The following CCDC25 variants were observed in gnomAD, a reference collection of about 807,000 sequenced individuals.
The protein encoded by CCDC25 is coiled-coil domain-containing protein 25.
A neutral mutation model predicts 35.3 loss-of-function variants in CCDC25; 16 were observed. That is an observed-to-expected ratio of 0.45 (90% CI 0.31 to 0.69). The LOEUF (loss-of-function observed/expected upper bound fraction) is 0.69. Ranked by LOEUF, CCDC25 falls within the 30% of genes least tolerant of loss-of-function variation. The probability of loss-of-function intolerance (pLI) is 0.06; values close to 1 mark genes in which losing one functional copy is unlikely to be tolerated. For missense variants in CCDC25, 179 were observed against 250.7 expected (o/e 0.71, Z 1.93); for synonymous variants, 79 against 80.3 (o/e 0.98, Z 0.09).
Position 27,748,205 on chromosome 8 carries a change from G to A in CCDC25, c.423C>T (p.Phe141=), listed in dbSNP as rs150006124. The change falls in exon 7 of 9, where the codon TTC becomes TTT. Residue 141 remains phenylalanine (F), a synonymous_variant. Transcript: ENST00000356537. The stretch of plus-strand genomic sequence containing the variant: ...ATTCTTTCTCTGCTGCTAGGTCTGG[G>A]AACCGCTCGACTTTGGTCTTTTCTA... The part of the protein sequence containing the change: ...NRLEKTKVER[F]PDLAAEKECR... 4.6e-5 allele frequency: 74 copies of A among 1,613,790 alleles called. No homozygotes were observed. In the African/African-American group the frequency reaches 8.7e-4, roughly 19 times the overall value.
Position 27,756,749 on chromosome 8 carries a change from A to C in CCDC25, c.138T>G (p.Ser46=). ...EDIWFHVDKL[S]SAHVYLRLHK... ...GTAATCGAAGGTATACATGAGCCGA[A>C]GAGAGTTTGTCCACATGAAACCTAC... Residue 46 remains serine (S), a synonymous_variant, in exon 4 of 9, where the codon TCT becomes TCG. Coordinates refer to ENST00000356537, the MANE Select transcript of CCDC25 (RefSeq NM_018246.3). 1.2e-6 allele frequency: 2 copies of C among 1,613,260 alleles called. No homozygotes were observed. Among genetic ancestry groups the C allele is most frequent in the Non-Finnish European group, 1.7e-6 (2 of 1,179,208 alleles).
At chr8:27,761,352 A>G (rs1481528186) in intron 3 of CCDC25, among the ~76,000 whole-genome samples, 1 of 152,252 alleles carries the variant, frequency 6.6e-6, no homozygotes, top group African/African-American at 2.4e-5. Flanking sequence ...AGTAGCAGAC[A>G]GAGCAGACCC....
intron 1 of CCDC25, among the ~76,000 whole-genome samples, chr8:27,765,628 T>TA (rs35721089): frequency 0.025 from 3,720 of 149,494 alleles, 141 homozygotes; most frequent in African/African-American, 0.079. Flanking sequence ...CTTTAAGAGT[T>TA]AAAAAAAAAA....
At chr8:27,746,531 C>T (rs1046076222) in intron 7 of CCDC25, among the ~76,000 whole-genome samples, 5 of 152,112 alleles carry the variant, frequency 3.3e-5, no homozygotes, top group African/African-American at 9.7e-5. Context: ...GTAAAGGGCA[C>T]TAAAAGGCAT....
At position 27,737,805 on chromosome 8, in the gene CCDC25, T is replaced by C. The variant is rs112093151; in HGVS notation, c.598-1560A>G. On this transcript the variant is annotated intron_variant, in intron 8 of 8. Coordinates refer to ENST00000356537, the MANE Select transcript of CCDC25 (RefSeq NM_018246.3). The surrounding 1 kb of genome is among the most constrained non-coding windows in gnomAD (Gnocchi z 4.6). ...ATGTTTACAGTGGCACAATTCACAATTGCAAAATTGTGGAACAAACCCAAA... is the reference window on the plus strand; with the variant it reads ...ATGTTTACAGTGGCACAATTCACAACTGCAAAATTGTGGAACAAACCCAAA... Among the ~76,000 whole-genome samples, 1,410 of 151,526 alleles carry C rather than the reference T, an allele frequency of 9.3e-3. 18 individuals carry two copies. The highest frequency in any genetic ancestry group is 0.032 in the African/African-American group (1,302 of 41,264).
Position 27,756,739 on chromosome 8 carries a change from C to G in CCDC25, c.148G>C (p.Val50Leu). The G allele has an allele frequency of 6.2e-7, 1 of 1,612,808 alleles. No individual in the cohort carries two copies. The highest frequency in any genetic ancestry group is 2.2e-5 in the East Asian group (1 of 44,860). The change falls in exon 4 of 9, where the codon GTA becomes CTA. Residue 50 changes from valine (V) to leucine (L), a missense_variant. Physicochemically the swap from Val to Leu is conservative, Grantham distance 32 (BLOSUM62 1). Transcript: ENST00000356537. ...FHVDKLSSAH[V>L]YLRLHKGENI... Reference sequence around the variant, plus strand: ...GTTACCTTATGTAATCGAAGGTATACATGAGCCGAAGAGAGTTTGTCCACA... The same window carrying G: ...GTTACCTTATGTAATCGAAGGTATAGATGAGCCGAAGAGAGTTTGTCCACA...
In CCDC25 at chr8:27,736,903, T is replaced by A. The variant is rs556959437; in HGVS notation, c.598-658A>T. On this transcript the variant is annotated intron_variant, in intron 8 of 8. Transcript: ENST00000356537. The stretch of plus-strand genomic sequence containing the variant: ...CACACAAAGGTAGAGCCCTGACTCC[T>A]TTTTGGACAACATTCACTAAGAGTG... Among the ~76,000 whole-genome samples the A allele has an allele frequency of 8.5e-5, 13 of 152,328 alleles. No individual in the cohort carries two copies. The South Asian group carries it at 2.7e-3, about 32-fold the overall frequency.
At position 27,738,297 on chromosome 8, in the gene CCDC25, T is replaced by C. The variant is rs140563603; in HGVS notation, c.598-2052A>G. The stretch of plus-strand genomic sequence containing the variant: ...AAACAAAACAAAACACAAACATCTG[T>C]ATCCCTTAACAGAAGACGGTTACAA... On this transcript the variant is annotated intron_variant, in intron 8 of 8. Coordinates refer to ENST00000356537, the MANE Select transcript of CCDC25 (RefSeq NM_018246.3). 2.6e-3 allele frequency among the ~76,000 whole-genome samples: 392 copies of C among 152,226 alleles called. 2 individuals are homozygous for C. The highest frequency in any genetic ancestry group is 9.1e-3 in the African/African-American group (376 of 41,534).
intron 3 of CCDC25, among the ~76,000 whole-genome samples, chr8:27,757,954 G>T (rs542847329): frequency 1.3e-5 from 2 of 152,258 alleles, no homozygotes; most frequent in African/African-American, 4.8e-5. Context: ...TGCCATGTAA[G>T]CCGCCTCGCT....
chr8:27,771,516 G>GCTCTCT (rs370757524), intron 1 of CCDC25, among the ~76,000 whole-genome samples: 1 of 151,430 alleles, frequency 6.6e-6, no homozygotes, highest in African/African-American at 2.4e-5. Context: ...AGGTGACTCT[G>GCTCTCT]CTCTCTCTCT....
intron 3 of CCDC25, among the ~76,000 whole-genome samples, chr8:27,759,829 C>A (rs1296700523): frequency 1.3e-5 from 2 of 148,188 alleles, no homozygotes; most frequent in Admixed American, 6.8e-5. Flanking sequence ...TCACTGATTC[C>A]TAGGAAAACC....
intron 3 of CCDC25, among the ~76,000 whole-genome samples, chr8:27,757,316 T>C (rs2128943111): frequency 6.6e-6 from 1 of 152,278 alleles, no homozygotes; most frequent in Middle Eastern, 3.4e-3. Flanking sequence ...GAATGTCGAA[T>C]AGAGAGCTGG....
At chr8:27,740,404 A>T in intron 8 of CCDC25, 68 bp downstream of exon 8, 1 of 1,470,676 alleles carries the variant, frequency 6.8e-7, no homozygotes, top group Non-Finnish European at 9.4e-7. Flanking sequence ...ATGGCCAGTA[A>T]CACAATTATT....
intron 1 of CCDC25, among the ~76,000 whole-genome samples, 162 bp downstream of exon 1, chr8:27,772,351 C>G (rs761526851): frequency 1.3e-5 from 2 of 152,178 alleles, no homozygotes; most frequent in African/African-American, 4.8e-5. Context: ...ATCCTGCAGC[C>G]GTGGGAGGGA....
Position 27,748,099 on chromosome 8 carries a change from T to G in CCDC25, c.529A>C (p.Lys177Gln). The part of the protein sequence containing the change: ...KKREKEEMKK[K>Q]REMDELRSYS... ...TACCTAAGTTCATCCATTTCCCTCT[T>G]CTTCTTCATTTCTTCTTTTTCTCTC... Residue 177 changes from lysine (K) to glutamine (Q), a missense_variant, in exon 7 of 9, where the codon AAG becomes CAG. Coordinates refer to ENST00000356537, the MANE Select transcript of CCDC25 (RefSeq NM_018246.3). 1 of 1,611,928 alleles carries G rather than the reference T, an allele frequency of 6.2e-7. No individual in the cohort carries two copies. Among genetic ancestry groups the G allele is most frequent in the East Asian group, 2.2e-5 (1 of 44,878 alleles).
At chr8:27,761,800 A>G (rs777053104) in intron 3 of CCDC25, among the ~76,000 whole-genome samples, 3 of 152,230 alleles carry the variant, frequency 2.0e-5, no homozygotes, top group African/African-American at 2.4e-5. Context: ...AAAAGAATTC[A>G]GCTTAAATGA....
intron 5 of CCDC25, among the ~76,000 whole-genome samples, chr8:27,749,739 C>T (rs74391926): frequency 0.035 from 5,318 of 151,548 alleles, 118 homozygotes; most frequent in African/African-American, 0.055. Flanking sequence ...TATATCAGAA[C>T]ACAGTATTCT....
At position 27,734,793 on chromosome 8, in the gene CCDC25, T is replaced by C. The variant is rs953405884; in HGVS notation, c.*1423A>G. On this transcript the variant is annotated 3_prime_UTR_variant, in exon 9 of 9. Coordinates refer to ENST00000356537, the MANE Select transcript of CCDC25 (RefSeq NM_018246.3). ...GTAGAAGCCGGACTCCTTGGAAGTA[T>C]GGAAGGAGCACAGCTACGAATACAT... The C allele has an allele frequency of 1.3e-5, 2 of 152,182 alleles. No homozygotes were observed. Among genetic ancestry groups the C allele is most frequent in the Non-Finnish European group, 1.5e-5 (1 of 68,040 alleles). The allele number at this position is 152,182 out of a possible 1,614,324, so 9.4% of individuals were successfully genotyped here.
At chr8:27,744,903 G>A (rs1383072582) in intron 7 of CCDC25, among the ~76,000 whole-genome samples, 1 of 152,174 alleles carries the variant, frequency 6.6e-6, no homozygotes, top group African/African-American at 2.4e-5. Flanking sequence ...TCAAATTGAT[G>A]ATATATTTAC....
Sources: gnomAD v4.1 joint callset for allele counts (sites outside exome capture counted in the v4.1 genomes callset) on GRCh38, gnomAD v4.1.1 for gene constraint, Gnocchi (gnomAD v3.1) non-coding constraint, MANE v1.5 for transcripts, NCBI Gene and HGNC (gene_info 2026-07-23, HGNC 2026-07-21) for gene names.